RBM25: variants seen among roughly 807,000 people sequenced by gnomAD.
RBM25 encodes RNA-binding protein 25.
Under a neutral mutation model 120.7 loss-of-function variants are expected in RBM25, and 19 were observed. The observed-to-expected ratio is 0.16, with a 90% CI of 0.11 to 0.23. The LOEUF (loss-of-function observed/expected upper bound fraction) is 0.23. Ranked by LOEUF, RBM25 falls within the 10% of genes least tolerant of loss-of-function variation. The pLI is 1.00. For synonymous variants in RBM25, 390 were observed against 326.7 expected, an observed-to-expected ratio of 1.19 and a Z score of -2.09; for missense variants, 605 against 1,041.5, an observed-to-expected ratio of 0.58 and a Z score of 5.77.
intron 1 of RBM25, chr14:73,068,264 AC>A: frequency 1.2e-6 from 1 of 839,746 alleles, no homozygotes. Context: ...AACCATTTAG[AC>A]CCCAATAGAT....
intron 1 of RBM25, among the ~76,000 whole-genome samples, chr14:73,066,091 T>C (rs755446478): frequency 1.1e-4 from 16 of 152,168 alleles, no homozygotes; most frequent in Non-Finnish European, 1.8e-4. Flanking sequence ...CCAACTATCC[T>C]AAGAAAGCAC....
intron 3 of RBM25, among the ~76,000 whole-genome samples, chr14:73,076,625 T>C (rs1254512299): frequency 2.0e-5 from 3 of 152,234 alleles, no homozygotes; most frequent in Non-Finnish European, 4.4e-5. Flanking sequence ...ACTCTTCATA[T>C]ACTTGTTATT....
chr14:73,107,817 T>G lies in RBM25; in HGVS notation c.1468-9T>G, dbSNP rs375598029. ...GTTAATTTTATACATTGTCCTTATT[T>G]CCTCAAAGGCCAAAGAAGCTAAACG... On this transcript the variant is annotated splice_polypyrimidine_tract_variant and intron_variant, in intron 12 of 18. Coordinates refer to ENST00000261973, the MANE Select transcript of RBM25 (RefSeq NM_021239.3). 50 of 1,566,902 alleles carry G rather than the reference T, an allele frequency of 3.2e-5. No individual in the cohort carries two copies. In the African/African-American group the frequency reaches 6.1e-4, roughly 19 times the overall value.
At chr14:73,090,382 G>A (rs966478496) in intron 6 of RBM25, among the ~76,000 whole-genome samples, 21 of 152,202 alleles carry the variant, frequency 1.4e-4, no homozygotes, top group Middle Eastern at 3.4e-3. Flanking sequence ...TGACATTCAA[G>A]GCTCACTCCA....
chr14:73,117,845 A>T (rs902209819), intron 18 of RBM25, among the ~76,000 whole-genome samples: 12 of 152,186 alleles, frequency 7.9e-5, no homozygotes, highest in African/African-American at 2.7e-4. Flanking sequence ...GCAACACTAG[A>T]CCACATTTCT....
chr14:73,094,343 G>A (rs1361550558), intron 6 of RBM25, among the ~76,000 whole-genome samples: 2 of 151,882 alleles, frequency 1.3e-5, no homozygotes, highest in Non-Finnish European at 2.9e-5. Context: ...TTCTAAAAAT[G>A]TGAATTAGTT....
At chr14:73,070,743 C>T (rs777430528) in intron 1 of RBM25, among the ~76,000 whole-genome samples, 5 of 151,810 alleles carry the variant, frequency 3.3e-5, no homozygotes, top group Non-Finnish European at 7.4e-5. Flanking sequence ...GATCAGGAGA[C>T]CGAGACCATC....
intron 16 of RBM25, 35 bp from the exon 17 acceptor site, chr14:73,112,117 A>G (rs558796670): frequency 7.4e-5 from 113 of 1,537,042 alleles, no homozygotes; most frequent in South Asian, 7.3e-4. Flanking sequence ...GCAAGTTACA[A>G]TTCTTTAATT....
intron 5 of RBM25, among the ~76,000 whole-genome samples, chr14:73,087,756 A>T (rs1895722474): frequency 6.6e-6 from 1 of 152,200 alleles, no homozygotes; most frequent in Admixed American, 6.5e-5. Context: ...AGAGCTTCTA[A>T]TGAGTAGCAG....
At chr14:73,106,614 T>C (rs1330611444) in intron 12 of RBM25, among the ~76,000 whole-genome samples, 1 of 152,190 alleles carries the variant, frequency 6.6e-6, no homozygotes, top group Non-Finnish European at 1.5e-5. Context: ...TTAGATATAA[T>C]AGTTGCATTT....
At chr14:73,097,140 T>C (rs755696540) in intron 7 of RBM25, 40 bp downstream of exon 7, 24 of 1,475,448 alleles carry the variant, frequency 1.6e-5, no homozygotes, top group Middle Eastern at 1.8e-4. Flanking sequence ...CTACCGTTTG[T>C]TTTTTATGAT....
intron 4 of RBM25, among the ~76,000 whole-genome samples, chr14:73,080,700 A>G (rs1380719607): frequency 6.6e-6 from 1 of 151,888 alleles, no homozygotes; most frequent in African/African-American, 2.4e-5. Context: ...TCCCTTCCCT[A>G]CTTCCTTACA....
At chr14:73,103,926 TCTCTCTCTCTCTCTCTCTCTCTCACACA>T (rs1896109968) in intron 10 of RBM25, among the ~76,000 whole-genome samples, 3 of 63,112 alleles carry the variant, frequency 4.8e-5, no homozygotes, top group Admixed American at 1.7e-4. Context: ...TCTCTCTCTC[TCTCTCTCTCTCTCTCTCTCTCTCACACA>T]CACACACACA....
intron 17 of RBM25, 99 bp downstream of exon 17, chr14:73,112,349 G>A: frequency 8.6e-7 from 1 of 1,161,908 alleles, no homozygotes; most frequent in Non-Finnish European, 1.2e-6. Context: ...CAAGTTCCAT[G>A]ATGGTTTAGG....
At chr14:73,096,587 C>T (rs1285734104) in intron 6 of RBM25, among the ~76,000 whole-genome samples, 1 of 152,190 alleles carries the variant, frequency 6.6e-6, no homozygotes, top group East Asian at 1.9e-4. Context: ...TTAAAAGAGT[C>T]GTTACTATTT....
chr14:73,115,823 C>T (rs981244322), intron 18 of RBM25, among the ~76,000 whole-genome samples: 1 of 152,158 alleles, frequency 6.6e-6, no homozygotes, highest in African/African-American at 2.4e-5. Flanking sequence ...TGTAATAAAA[C>T]AACTGAAAGG....
intron 14 of RBM25, among the ~76,000 whole-genome samples, chr14:73,110,174 C>T (rs540656453): frequency 2.6e-4 from 39 of 149,138 alleles, no homozygotes; most frequent in African/African-American, 9.4e-4. Flanking sequence ...AGTGAACCAC[C>T]GTGCCCGGCC....
intron 2 of RBM25, among the ~76,000 whole-genome samples, chr14:73,075,283 C>T (rs1228546773): frequency 2.0e-5 from 3 of 151,918 alleles, no homozygotes; most frequent in African/African-American, 4.8e-5. Flanking sequence ...CTCAGCCTCC[C>T]GAGTAGCTGG....
intron 1 of RBM25, among the ~76,000 whole-genome samples, chr14:73,063,174 G>T (rs929483469): frequency 6.7e-6 from 1 of 150,370 alleles, no homozygotes; most frequent in Non-Finnish European, 1.5e-5. Context: ...TTTTGAGATG[G>T]AGTCTGGCTC....
Sources: gnomAD v4.1 joint callset for allele counts (sites outside exome capture counted in the v4.1 genomes callset) on GRCh38, gnomAD v4.1.1 for gene constraint, MANE v1.5 for transcripts, NCBI Gene and HGNC (gene_info 2026-07-23, HGNC 2026-07-21) for gene names.